Variants in LHX8 observed in about 807,000 individuals in gnomAD.
The protein encoded by LHX8 is LIM homeobox 8, also known as LIM/homeobox protein Lhx8.
LHX8 carries 12 observed loss-of-function variants against 40.3 expected under a neutral mutation model. That is an observed-to-expected ratio of 0.30 (90% CI 0.19 to 0.48). LHX8 has a LOEUF of 0.48. Ranked by LOEUF, LHX8 falls within the 20% of genes least tolerant of loss-of-function variation. LHX8 has a pLI of 0.99. For synonymous variants in LHX8, 179 were observed against 162.0 expected (o/e 1.10, Z -0.80); for missense variants, 344 against 433.7 (o/e 0.79, Z 1.84).
downstream of LHX8, among the ~76,000 whole-genome samples, chr1:75,163,781 G>T (rs140669019): frequency 5.3e-3 from 809 of 152,172 alleles, 5 homozygotes; most frequent in African/African-American, 0.019. Context: ...TTAAAACATA[G>T]TCTGCAATGT....
rs558746988 is a variant in LHX8 at position 75,156,277 on chromosome 1, T to C, written c.781-616T>C. On this transcript the variant is annotated intron_variant, in intron 7 of 8. Transcript: ENST00000356261. ...TTGTTTTTGAGACAGAGTCTTGCTA[T>C]GTCGCCCAGGCTGGAGTGCAGTGGT... Among the ~76,000 whole-genome samples, 9 of 152,264 alleles carry C rather than the reference T, an allele frequency of 5.9e-5. 1 individual carries two copies. In the South Asian group the frequency reaches 1.7e-3, roughly 28 times the overall value.
chr1:75,152,162 T>C (rs1460059803), intron 7 of LHX8, among the ~76,000 whole-genome samples: 1 of 152,196 alleles, frequency 6.6e-6, no homozygotes, highest in Non-Finnish European at 1.5e-5. Flanking sequence ...CATAATATTT[T>C]AGAAAGGTAA....
chr1:75,156,014 T>TAA (rs1553134278), intron 7 of LHX8, among the ~76,000 whole-genome samples: 2 of 150,700 alleles, frequency 1.3e-5, no homozygotes, highest in Admixed American at 6.6e-5. Context: ...TTTTTTTTTT[T>TAA]AAGTTCTGAT....
chr1:75,191,044 T>A, the LHX8 span, among the ~76,000 whole-genome samples: 1,249 of 151,808 alleles, frequency 8.2e-3, 14 homozygotes, highest in Non-Finnish European at 0.015. Context: ...TTAGAAGAAA[T>A]GAAAAGATAT....
At chr1:75,182,876 G>A in the LHX8 span, among the ~76,000 whole-genome samples, 14 of 152,192 alleles carry the variant, frequency 9.2e-5, no homozygotes, top group African/African-American at 1.9e-4. Flanking sequence ...CTTTAAACAC[G>A]TTGGCTGATT....
downstream of LHX8, among the ~76,000 whole-genome samples, chr1:75,163,226 C>T (rs1346967213): frequency 6.6e-6 from 1 of 152,108 alleles, no homozygotes; most frequent in East Asian, 1.9e-4. Flanking sequence ...CCATAATAAA[C>T]ATTGTTAGAT....
chr1:75,135,272 T>TG (rs1397908785), intron 1 of LHX8, among the ~76,000 whole-genome samples: 2 of 152,136 alleles, frequency 1.3e-5, no homozygotes, highest in African/African-American at 2.4e-5. Context: ...GCAGGACCTG[T>TG]GGGTATTTGG....
chr1:75,185,147 A>T, the LHX8 span, among the ~76,000 whole-genome samples: 1 of 152,002 alleles, frequency 6.6e-6, no homozygotes, highest in African/African-American at 2.4e-5. Flanking sequence ...TCAGGACCAG[A>T]CAGATTCAAA....
At chr1:75,183,916 T>C in the LHX8 span, among the ~76,000 whole-genome samples, 6 of 152,008 alleles carry the variant, frequency 3.9e-5, no homozygotes, top group Non-Finnish European at 8.8e-5. Context: ...ACATTCAGAG[T>C]AAAGGCATGG....
chr1:75,190,419 G>A, the LHX8 span, among the ~76,000 whole-genome samples: 55 of 152,108 alleles, frequency 3.6e-4, no homozygotes, highest in African/African-American at 1.3e-3. Context: ...ATGTTCATAC[G>A]TTGATTACTC....
the LHX8 span, among the ~76,000 whole-genome samples, chr1:75,199,041 A>G: frequency 6.6e-6 from 1 of 152,258 alleles, no homozygotes; most frequent in African/African-American, 2.4e-5. Context: ...CTAAATGCAA[A>G]TAAGCATGTG....
intron 7 of LHX8, among the ~76,000 whole-genome samples, chr1:75,156,627 C>CAA (rs1648776011): frequency 6.6e-6 from 1 of 152,180 alleles, no homozygotes; most frequent in African/African-American, 2.4e-5. Context: ...ATCCCTTAAG[C>CAA]AATTGGTCCC....
chr1:75,146,642 T>C (rs1648466473), intron 6 of LHX8, among the ~76,000 whole-genome samples: 1 of 152,156 alleles, frequency 6.6e-6, no homozygotes, highest in Non-Finnish European at 1.5e-5. Flanking sequence ...TGAAGTAGGC[T>C]TCAGCAGCAT....
the LHX8 span, among the ~76,000 whole-genome samples, chr1:75,187,091 T>A: frequency 6.6e-6 from 1 of 152,126 alleles, no homozygotes; most frequent in Non-Finnish European, 1.5e-5. Context: ...AACATTCTCC[T>A]AGTGAAATCT....
At chr1:75,154,948 A>C (rs910003543) in intron 7 of LHX8, among the ~76,000 whole-genome samples, 11 of 152,170 alleles carry the variant, frequency 7.2e-5, no homozygotes, top group Non-Finnish European at 2.9e-5. Flanking sequence ...TTTGAATGCC[A>C]GGGGCAGGGT....
At chr1:75,156,712 T>C (rs1648777855) in intron 7 of LHX8, among the ~76,000 whole-genome samples, 181 bp from the exon 8 acceptor site, 1 of 152,204 alleles carries the variant, frequency 6.6e-6, no homozygotes, top group Admixed American at 6.5e-5. Context: ...AAATGACCAC[T>C]GTTATTTGGA....
At chr1:75,181,006 G>A in the LHX8 span, among the ~76,000 whole-genome samples, 4 of 149,334 alleles carry the variant, frequency 2.7e-5, no homozygotes, top group African/African-American at 5.0e-5. Flanking sequence ...CTGTTTGCCT[G>A]GGTATCACCA....
chr1:75,178,454 G>T, the LHX8 span, among the ~76,000 whole-genome samples: 1 of 152,018 alleles, frequency 6.6e-6, no homozygotes, highest in Non-Finnish European at 1.5e-5. Context: ...TCTAGTTTAT[G>T]TGCTTAAAGG....
chr1:75,136,641 A>C lies in LHX8; in HGVS notation c.27A>C (p.Thr9=). 6.5e-7 allele frequency: 1 copy of C among 1,549,648 alleles called. No individual in the cohort carries two copies. Among genetic ancestry groups the C allele is most frequent in the Non-Finnish European group, 8.7e-7 (1 of 1,146,748 alleles). Residue 9 remains threonine, a synonymous_variant, in exon 2 of 9, where the codon ACA becomes ACC. Transcript: ENST00000356261. MSEECGRT[T]ALAAGRTRKG... ...TGTCAGAGGAGTGCGGGCGGACTAC[A>C]GCCCTGGCGGCCGGGAGGACTCGCA...
Sources: allele counts gnomAD v4.1 joint callset (sites outside exome capture counted in the v4.1 genomes callset), GRCh38; gene constraint gnomAD v4.1.1; transcripts MANE v1.5; gene names NCBI Gene and HGNC (gene_info 2026-07-23, HGNC 2026-07-21).